PCNX2: variants seen among roughly 807,000 people sequenced by gnomAD.
PCNX2 encodes pecanex-like protein 2.
PCNX2 carries 168 observed loss-of-function variants against 223.8 expected under a neutral mutation model. That is an observed-to-expected ratio of 0.75 (90% CI 0.66 to 0.85). PCNX2 has a LOEUF of 0.85. Among genes scored for constraint, PCNX2 ranks in the 40% least tolerant of loss-of-function variants. PCNX2 has a pLI of 0.00. For missense variants in PCNX2, 2,507 were observed against 2,675.5 expected, an observed-to-expected ratio of 0.94 and a Z score of 1.39; for synonymous variants, 1,006 against 1,052.6, an observed-to-expected ratio of 0.96 and a Z score of 0.86.
In PCNX2 at chr1:233,130,431, A is replaced by T. The variant is rs529650265; in HGVS notation, c.3837+4582T>A. Among the ~76,000 whole-genome samples the T allele has an allele frequency of 9.9e-5, 15 of 151,252 alleles. No homozygotes were observed. In the South Asian group the frequency reaches 3.1e-3, roughly 32 times the overall value. On this transcript the variant is annotated intron_variant, in intron 21 of 33. Transcript: ENST00000258229. ...GCACTTAATTTGTCTGGTGGGTTCC[A>T]GCCTTGGAACTCAATATTTCTGCCC...
At chr1:233,173,232 C>T (rs960932785) in intron 17 of PCNX2, among the ~76,000 whole-genome samples, 9 of 151,542 alleles carry the variant, frequency 5.9e-5, no homozygotes, top group Admixed American at 4.6e-4. Flanking sequence ...AATGCAGTGG[C>T]GCGATCTCGC....
Position 233,000,367 on chromosome 1 carries a change from C to T in PCNX2, c.5266G>A (p.Gly1756Ser). 1 of 1,613,666 alleles carries T rather than the reference C, an allele frequency of 6.2e-7. No homozygotes were observed. Among genetic ancestry groups the T allele is most frequent in the Non-Finnish European group, 8.5e-7 (1 of 1,179,648 alleles). The change falls in exon 30 of 34, where the codon GGT becomes AGT. Residue 1756 changes from glycine to serine, a missense_variant. Gly to Ser is a moderately conservative substitution (Grantham distance 56, BLOSUM62 0). Coordinates refer to ENST00000258229, the MANE Select transcript of PCNX2 (RefSeq NM_014801.4). This position sits in a 1 kb window ranked among gnomAD's most constrained non-coding sequence, Gnocchi z 4.6. The part of the protein sequence containing the change: ...LLTLRHVVDE[G>S]ADEYKVIMLH... ...ATGATGACCTTGTACTCGTCGGCACCCTCGTCCACCACGTGCCGCAGGGTG... is the reference window on the plus strand; with the variant it reads ...ATGATGACCTTGTACTCGTCGGCACTCTCGTCCACCACGTGCCGCAGGGTG...
At chr1:233,189,694 C>A (rs751352644) in intron 15 of PCNX2, among the ~76,000 whole-genome samples, 3 of 152,072 alleles carry the variant, frequency 2.0e-5, no homozygotes, top group Non-Finnish European at 4.4e-5. Context: ...AAAGCTCCCC[C>A]GCAAGCAGTT....
chr1:233,071,672 A>G (rs1477993616), intron 23 of PCNX2, among the ~76,000 whole-genome samples: 2 of 152,202 alleles, frequency 1.3e-5, no homozygotes, highest in African/African-American at 4.8e-5. Context: ...CAGTAATGGA[A>G]CTGCTGTGTC....
At chr1:233,027,293 C>A (rs1470614378) in intron 25 of PCNX2, among the ~76,000 whole-genome samples, 3 of 152,074 alleles carry the variant, frequency 2.0e-5, no homozygotes, top group Non-Finnish European at 4.4e-5. Context: ...GAGGGGTAGT[C>A]TCATGAGCGT....
chr1:233,134,970 C>T (rs1333250375), intron 21 of PCNX2, 43 bp downstream of exon 21: 7 of 1,454,568 alleles, frequency 4.8e-6, no homozygotes, highest in East Asian at 4.5e-5. Context: ...AAGAACAGCC[C>T]CCTTTAAAAT....
intron 23 of PCNX2, among the ~76,000 whole-genome samples, chr1:233,082,782 T>C (rs1359019995): frequency 6.6e-6 from 1 of 152,218 alleles, no homozygotes; most frequent in Admixed American, 6.5e-5. Context: ...AAATAAACTG[T>C]GAAGTTGAGA....
At chr1:233,146,467 A>T (rs1288947872) in intron 19 of PCNX2, among the ~76,000 whole-genome samples, 1 of 152,250 alleles carries the variant, frequency 6.6e-6, no homozygotes, top group Non-Finnish European at 1.5e-5. Context: ...CTCATAAAGT[A>T]CAATCAGTTA....
intron 9 of PCNX2, among the ~76,000 whole-genome samples, chr1:233,233,519 C>T (rs1464787374): frequency 1.3e-5 from 2 of 151,310 alleles, no homozygotes; most frequent in East Asian, 3.9e-4. Flanking sequence ...TCTGGGAGCT[C>T]CCCTTTCAGG....
At chr1:233,123,262 C>T (rs994732391) in intron 21 of PCNX2, among the ~76,000 whole-genome samples, 2 of 152,060 alleles carry the variant, frequency 1.3e-5, no homozygotes, top group East Asian at 3.9e-4. Flanking sequence ...TTCTGTAAAT[C>T]TAGAATTATT....
At chr1:233,133,791 T>TG (rs1356778553) in intron 21 of PCNX2, among the ~76,000 whole-genome samples, 3 of 152,116 alleles carry the variant, frequency 2.0e-5, no homozygotes, top group Non-Finnish European at 2.9e-5. Context: ...GCCCAGGAGT[T>TG]GGAGGCTGCA....
chr1:233,283,821 C>T (rs1439999914), intron 1 of PCNX2, among the ~76,000 whole-genome samples: 1 of 152,174 alleles, frequency 6.6e-6, no homozygotes, highest in Non-Finnish European at 1.5e-5. Context: ...TATACTATAA[C>T]TATTGGGTGA....
At chr1:233,272,975 T>A (rs1660722182) in intron 1 of PCNX2, among the ~76,000 whole-genome samples, 1 of 151,824 alleles carries the variant, frequency 6.6e-6, no homozygotes, top group Non-Finnish European at 1.5e-5. Context: ...AATGATACAA[T>A]AGACTCTGGG....
intron 9 of PCNX2, among the ~76,000 whole-genome samples, chr1:233,234,162 A>G (rs1658247717): frequency 6.6e-6 from 1 of 152,212 alleles, no homozygotes; most frequent in Non-Finnish European, 1.5e-5. Context: ...ACAAAACTGC[A>G]GGCATAGCCA....
intron 32 of PCNX2, among the ~76,000 whole-genome samples, chr1:232,997,069 T>C (rs1379468595): frequency 6.6e-6 from 1 of 152,216 alleles, no homozygotes; most frequent in African/African-American, 2.4e-5. Flanking sequence ...TCACAGTGGT[T>C]GCAAAATACC....
intron 28 of PCNX2, among the ~76,000 whole-genome samples, chr1:233,003,447 A>G (rs1336190589): frequency 6.6e-6 from 1 of 152,234 alleles, no homozygotes; most frequent in Non-Finnish European, 1.5e-5. Context: ...CAAAACCACA[A>G]TTAGATACCA....
chr1:232,999,011 T>A, intron 31 of PCNX2, 94 bp downstream of exon 31: 1 of 1,394,110 alleles, frequency 7.2e-7, no homozygotes, highest in Non-Finnish European at 9.7e-7. Flanking sequence ...AAATGGTGGC[T>A]GACAGTGAAA....
At chr1:233,125,467 G>A (rs1436476248) in intron 21 of PCNX2, among the ~76,000 whole-genome samples, 2 of 152,162 alleles carry the variant, frequency 1.3e-5, no homozygotes, top group Non-Finnish European at 2.9e-5. Context: ...ACATGCACCA[G>A]TATGTTAAAC....
intron 23 of PCNX2, among the ~76,000 whole-genome samples, chr1:233,062,292 T>C (rs1478313089): frequency 6.6e-6 from 1 of 152,218 alleles, no homozygotes; most frequent in African/African-American, 2.4e-5. Context: ...CATGTGTGTA[T>C]ATATTCTGTA....
Sources: allele counts gnomAD v4.1 joint callset (sites outside exome capture counted in the v4.1 genomes callset), GRCh38; gene constraint gnomAD v4.1.1; non-coding constraint Gnocchi (gnomAD v3.1); transcripts MANE v1.5; gene names NCBI Gene and HGNC (gene_info 2026-07-23, HGNC 2026-07-21).